WDR64: variants seen among roughly 807,000 people sequenced by gnomAD.
WDR64 encodes WD repeat domain 64.
A neutral mutation model predicts 139.3 loss-of-function variants in WDR64; 112 were observed. The observed-to-expected ratio is 0.80, with a 90% CI of 0.69 to 0.94. The LOEUF (loss-of-function observed/expected upper bound fraction) is 0.94, where lower values mean the gene tolerates loss of function less well. Among genes scored for constraint, WDR64 ranks in the 40% least tolerant of loss-of-function variants. WDR64 has a pLI of 0.00. For missense variants in WDR64, 1,206 were observed against 1,293.1 expected (o/e 0.93, Z 1.03); for synonymous variants, 444 against 437.7 (o/e 1.01, Z -0.18).
At chr1:241,767,727 A>C (rs1658242972) in intron 16 of WDR64, among the ~76,000 whole-genome samples, 1 of 152,152 alleles carries the variant, frequency 6.6e-6, no homozygotes, top group Admixed American at 6.5e-5. Context: ...CATTTCTTTT[A>C]GCCAGTTTTT....
At chr1:241,745,105 G>A (rs1669703140) in intron 13 of WDR64, among the ~76,000 whole-genome samples, 1 of 152,188 alleles carries the variant, frequency 6.6e-6, no homozygotes, top group Non-Finnish European at 1.5e-5. Context: ...AAGAGCTACA[G>A]ACTGCCCTGC....
At chr1:241,657,542 C>G (rs1222612156) in intron 1 of WDR64, among the ~76,000 whole-genome samples, 1 of 152,114 alleles carries the variant, frequency 6.6e-6, no homozygotes, top group Non-Finnish European at 1.5e-5. Flanking sequence ...CAGCCACAGG[C>G]CTTCGTGTTG....
intron 2 of WDR64, among the ~76,000 whole-genome samples, chr1:241,668,519 T>C (rs1337456737): frequency 6.6e-6 from 1 of 152,066 alleles, no homozygotes; most frequent in East Asian, 1.9e-4. Flanking sequence ...CATATAACTT[T>C]CCCAGCAAAG....
Position 241,787,877 on chromosome 1 carries a change from T to G in WDR64, c.2734T>G (p.Cys912Gly), listed in dbSNP as rs1483943424. ...RLWHALNGHYCGYFGQRRLFE... is the reference protein window; with the variant it reads ...RLWHALNGHYGGYFGQRRLFE... ...CTGGCATGCCCTCAATGGACATTAT[T>G]GTGGATATTTTGGACAGCGAAGGCT... is the stretch of plus-strand genomic sequence containing the variant. The change falls in exon 24 of 28, where the codon TGT becomes GGT. Residue 912 changes from cysteine to glycine, a missense_variant. Cys to Gly is a radical substitution (Grantham distance 159). Transcript: ENST00000437684. 3 of 1,604,960 alleles carry G rather than the reference T, an allele frequency of 1.9e-6. No individual in the cohort carries two copies. The African/African-American group carries it at 4.0e-5, about 22-fold the overall frequency.
intron 12 of WDR64, among the ~76,000 whole-genome samples, chr1:241,742,389 T>C (rs2148246709): frequency 6.6e-6 from 1 of 152,062 alleles, no homozygotes; most frequent in East Asian, 1.9e-4. Context: ...AGACAGGAGG[T>C]TGGCACAAGA....
chr1:241,798,538 A>T (rs1253819151), intron 27 of WDR64, among the ~76,000 whole-genome samples: 1 of 152,218 alleles, frequency 6.6e-6, no homozygotes, highest in Non-Finnish European at 1.5e-5. Flanking sequence ...TAGACACCAA[A>T]TGCCTCGTTT....
At chr1:241,799,542 T>C (rs919056675) in intron 27 of WDR64, among the ~76,000 whole-genome samples, 3 of 152,160 alleles carry the variant, frequency 2.0e-5, no homozygotes, top group African/African-American at 7.2e-5. Flanking sequence ...ATGTACTCTT[T>C]CATTTCATCT....
At position 241,802,092 on chromosome 1, in the gene WDR64, A is replaced by C. The variant is rs1236889711; in HGVS notation, c.*877A>C. 2.5e-6 allele frequency: 1 copy of C among 397,874 alleles called. No individual in the cohort carries two copies. The highest frequency in any genetic ancestry group is 2.1e-5 in the African/African-American group (1 of 48,586). The allele number at this position is 397,874 out of a possible 1,614,324, so 24.6% of individuals were successfully genotyped here. ...ATACACTTTAAGAAAATAAACAAGA[A>C]TCTTTATAAAAGTTTTATAAAGTTA... On this transcript the variant is annotated 3_prime_UTR_variant, in exon 28 of 28. Transcript: ENST00000437684.
At chr1:241,677,615 CT>C (rs1666605416) in intron 4 of WDR64, among the ~76,000 whole-genome samples, 1 of 152,204 alleles carries the variant, frequency 6.6e-6, no homozygotes, top group African/African-American at 2.4e-5. Context: ...CAGTAGCTCT[CT>C]GCATGGGATA....
In WDR64 at chr1:241,652,385, C is replaced by T. The variant is rs899357286; in HGVS notation, c.-100C>T. On this transcript the variant is annotated 5_prime_UTR_variant, in exon 1 of 28. Coordinates refer to ENST00000437684, the MANE Select transcript of WDR64 (RefSeq NM_001367482.1). Reference sequence around the variant, plus strand: ...AAAGGAATTAGACCTAGGGCAAAAACTGAGACAGCAGGGAGGCACTGTAAC... The same window carrying T: ...AAAGGAATTAGACCTAGGGCAAAAATTGAGACAGCAGGGAGGCACTGTAAC... 4.7e-6 allele frequency: 6 copies of T among 1,288,828 alleles called. No homozygotes were observed. The African/African-American group carries it at 9.0e-5, about 19-fold the overall frequency. The allele number at this position is 1,288,828 out of a possible 1,614,324, so 79.8% of individuals were successfully genotyped here.
At position 241,741,418 on chromosome 1, in the gene WDR64, C is replaced by T. The variant is rs1055796457; in HGVS notation, c.1322-98C>T. 6.1e-6 allele frequency: 6 copies of T among 984,692 alleles called. No individual in the cohort carries two copies. In the African/African-American group the frequency reaches 6.7e-5, roughly 11 times the overall value. 61.0% of individuals were successfully genotyped at this position (984,692 alleles called of 1,614,324 possible). On this transcript the variant is annotated intron_variant, in intron 11 of 27. Transcript: ENST00000437684. ...GCATTGATTGATATTGCTAATCTCA[C>T]TGTTTGGCTGTTTCCAAACCCAACT...
intron 2 of WDR64, among the ~76,000 whole-genome samples, chr1:241,664,753 G>A (rs181048807): frequency 3.9e-5 from 6 of 151,998 alleles, no homozygotes; most frequent in East Asian, 3.9e-4. Flanking sequence ...CAATAGCCAC[G>A]CAATGTAGAT....
intron 8 of WDR64, among the ~76,000 whole-genome samples, chr1:241,705,414 C>T (rs1022705024): frequency 4.9e-4 from 74 of 151,522 alleles, no homozygotes; most frequent in African/African-American, 1.4e-3. Flanking sequence ...TGGTGGCGGG[C>T]GCCTGTAGTC....
At chr1:241,733,912 G>A (rs1319773432) in intron 10 of WDR64, among the ~76,000 whole-genome samples, 2 of 152,054 alleles carry the variant, frequency 1.3e-5, no homozygotes. Context: ...ACTAATACCT[G>A]TCATAAGAAC....
intron 3 of WDR64, among the ~76,000 whole-genome samples, chr1:241,674,016 C>T (rs1294598761): frequency 6.6e-6 from 1 of 151,896 alleles, no homozygotes; most frequent in Non-Finnish European, 1.5e-5. Flanking sequence ...GTTTAGAAAA[C>T]GTGTTCTCTG....
intron 9 of WDR64, among the ~76,000 whole-genome samples, chr1:241,712,646 A>G (rs1231016775): frequency 6.6e-6 from 1 of 152,128 alleles, no homozygotes; most frequent in Non-Finnish European, 1.5e-5. Context: ...CTCATTTGTA[A>G]GTGGAGTTGA....
chr1:241,794,482 CCCACAT>C (rs2148331720), intron 25 of WDR64, among the ~76,000 whole-genome samples: 1 of 150,166 alleles, frequency 6.7e-6, no homozygotes, highest in South Asian at 2.1e-4. Flanking sequence ...AATTGAATGC[CCCACAT>C]ATTTTAAGCT....
chr1:241,728,499 A>G (rs1187158029), intron 10 of WDR64, among the ~76,000 whole-genome samples: 1 of 152,226 alleles, frequency 6.6e-6, no homozygotes, highest in African/African-American at 2.4e-5. Context: ...ATAAATCGCC[A>G]TGCATAGTTG....
chr1:241,738,248 A>G lies in WDR64; in HGVS notation c.1195-115A>G, dbSNP rs528968074. ...CAAATGCATGCTTATCATATAAGTA[A>G]TACTTTGGTATAAGTTTATAAGAGT... On this transcript the variant is annotated intron_variant, in intron 10 of 27. Transcript: ENST00000437684. 7.4e-5 allele frequency: 95 copies of G among 1,276,104 alleles called. No homozygotes were observed. In the South Asian group the frequency reaches 1.1e-3, roughly 15 times the overall value. 79.0% of individuals were successfully genotyped at this position (1,276,104 alleles called of 1,614,324 possible).
Sources: allele counts gnomAD v4.1 joint callset (sites outside exome capture counted in the v4.1 genomes callset), GRCh38; gene constraint gnomAD v4.1.1; transcripts MANE v1.5; gene names NCBI Gene and HGNC (gene_info 2026-07-23, HGNC 2026-07-21).